Variants in SIGLEC1 observed in about 807,000 individuals in gnomAD.
SIGLEC1 encodes the protein sialoadhesin.
In SIGLEC1, 132 loss-of-function variants were observed where a neutral mutation model predicts 148.0. The ratio of observed to expected loss-of-function variants is 0.89; its 90% CI spans 0.77 to 1.03. SIGLEC1 has a LOEUF of 1.03. Ranked by LOEUF, SIGLEC1 falls within the 50% of genes least tolerant of loss-of-function variation. SIGLEC1 has a pLI of 0.00. For synonymous variants in SIGLEC1, 945 were observed against 969.0 expected (o/e 0.98, Z 0.46); for missense variants, 2,253 against 2,271.4 (o/e 0.99, Z 0.16).
chr20:3,708,658 G>A (rs558507077), intron 1 of SIGLEC1, among the ~76,000 whole-genome samples: 86 of 152,234 alleles, frequency 5.6e-4, no homozygotes, highest in African/African-American at 1.9e-3. Flanking sequence ...GAGGTGGGAA[G>A]ATCGCTTGAG....
chr20:3,706,229 C>A (rs1158279936), intron 3 of SIGLEC1, 118 bp downstream of exon 3: 8 of 1,438,330 alleles, frequency 5.6e-6, no homozygotes, highest in Non-Finnish European at 6.5e-6. Flanking sequence ...GGGGCTGGAA[C>A]AGAGGCTGAG....
intron 4 of SIGLEC1, 36 bp from the exon 5 acceptor site, chr20:3,704,127 T>A (rs199923821): frequency 1.3e-5 from 21 of 1,588,420 alleles, no homozygotes; most frequent in Non-Finnish European, 1.8e-5. Context: ...GGTAAGGTGC[T>A]TGGGGAGGGC....
rs1375657711 is a variant in SIGLEC1 at position 3,696,874 on chromosome 20, G to A, written c.2395C>T (p.Pro799Ser). The A allele has an allele frequency of 6.4e-7, 1 of 1,556,698 alleles. No homozygotes were observed. The highest frequency in any genetic ancestry group is 1.2e-5 in the South Asian group (1 of 81,720). Residue 799 changes from proline (P) to serine (S), a missense_variant, in exon 11 of 22, where the codon CCA becomes TCA. Physicochemically the swap from Pro to Ser is moderately conservative, Grantham distance 74. Transcript: ENST00000344754. ...LLSVLYPPDR[P>S]KLSALLDMGQ... ...ATGTCTAGGAGGGCTGACAGCTTTGGACGGTCCGGGGGATCTGCAGGAACA... is the reference window on the plus strand; with the variant it reads ...ATGTCTAGGAGGGCTGACAGCTTTGAACGGTCCGGGGGATCTGCAGGAACA...
intron 9 of SIGLEC1, 90 bp from the exon 10 acceptor site, chr20:3,697,432 G>A (rs1329243706): frequency 9.8e-6 from 15 of 1,533,560 alleles, no homozygotes; most frequent in Non-Finnish European, 1.2e-5. Context: ...CAGGAAGGAG[G>A]CCCCCTGGGG....
Position 3,693,840 on chromosome 20 carries a change from G to A in SIGLEC1, c.3257-142C>T. On this transcript the variant is annotated intron_variant, in intron 13 of 21. Coordinates refer to ENST00000344754, the MANE Select transcript of SIGLEC1 (RefSeq NM_023068.4). ...AGCCTTGGGTGGCCCACCTATAAAT[G>A]TGGCTTAGAAGTCAAGCTTGGGAAT... 5 of 863,050 alleles carry A rather than the reference G, an allele frequency of 5.8e-6. No homozygotes were observed. The South Asian group carries it at 8.9e-5, about 15-fold the overall frequency. 53.5% of individuals were successfully genotyped at this position (863,050 alleles called of 1,614,324 possible).
At chr20:3,689,434 T>C (rs2088732819) in intron 20 of SIGLEC1, 166 bp downstream of exon 20, 3 of 656,008 alleles carry the variant, frequency 4.6e-6, no homozygotes, top group East Asian at 5.4e-5. Context: ...GCAAGGAGGA[T>C]TTAGGGACAA....
chr20:3,700,107 T>C (rs911982854), intron 7 of SIGLEC1, among the ~76,000 whole-genome samples: 2 of 3,522 alleles, frequency 5.7e-4, no homozygotes, highest in Non-Finnish European at 1.4e-3. Flanking sequence ...TGTGGCCAGC[T>C]TTTTTTTTTT....
In SIGLEC1 at chr20:3,687,077, G is replaced by A. The variant is rs570543762; in HGVS notation, c.*1483C>T. On this transcript the variant is annotated 3_prime_UTR_variant, in exon 22 of 22. Transcript: ENST00000344754. ...ATGAGCCTGGAATGAGGGAGGGTGC[G>A]GCCTCGGCTACACAAAGTTCACCCG... The A allele has an allele frequency of 1.4e-5, 2 of 143,282 alleles. No individual in the cohort carries two copies. Among genetic ancestry groups the A allele is most frequent in the African/African-American group, 2.7e-5 (1 of 37,696 alleles). The allele number at this position is 143,282 out of a possible 1,614,324, so 8.9% of individuals were successfully genotyped here. A position where few individuals can be genotyped will look rare whatever the true frequency, so the allele number is the denominator to read the frequency against.
rs2146520028 is a variant in SIGLEC1, at chr20:3,692,777, G to A, written c.3779-5C>T. 6.2e-7 allele frequency: 1 copy of A among 1,606,696 alleles called. No homozygotes were observed. The highest frequency in any genetic ancestry group is 8.5e-7 in the Non-Finnish European group (1 of 1,176,846). ...GAGCCAGGATCACCCGCACACCTGTGCCAAGGAGGCCAGGATCAGCCGGGC... is the reference window on the plus strand; with the variant it reads ...GAGCCAGGATCACCCGCACACCTGTACCAAGGAGGCCAGGATCAGCCGGGC... On this transcript the variant is annotated splice_region_variant and splice_polypyrimidine_tract_variant and intron_variant, in intron 15 of 21. Transcript: ENST00000344754.
chr20:3,698,889 T>C (rs968860070), intron 8 of SIGLEC1, among the ~76,000 whole-genome samples: 4 of 152,024 alleles, frequency 2.6e-5, no homozygotes, highest in South Asian at 2.1e-4. Flanking sequence ...TGTGCACAAA[T>C]AGAGGAGTGT....
Position 3,691,172 on chromosome 20 carries a change from T to C in SIGLEC1, c.4591+168A>G, listed in dbSNP as rs114132542. On this transcript the variant is annotated intron_variant, in intron 18 of 21. Coordinates refer to ENST00000344754, the MANE Select transcript of SIGLEC1 (RefSeq NM_023068.4). ...CTTGCAGGATGAGGCGAATGATGTA[T>C]TCCCCATTTTACAAGGTCACCCAAC... 6.4e-3 allele frequency among the ~76,000 whole-genome samples: 974 copies of C among 152,302 alleles called. 9 individuals carry two copies. Among genetic ancestry groups the C allele is most frequent in the African/African-American group, 0.022 (931 of 41,564 alleles).
chr20:3,697,992 A>G lies in SIGLEC1; in HGVS notation c.1928T>C (p.Val643Ala), dbSNP rs777812565. The change falls in exon 9 of 22, where the codon GTG becomes GCG. Residue 643 changes from valine to alanine, a missense_variant. Physicochemically the swap from Val to Ala is moderately conservative, Grantham distance 64. Transcript: ENST00000344754. Reference protein sequence around the residue: ...RLQLLHKDRVVATSLPSGGGC... With the variant: ...RLQLLHKDRVAATSLPSGGGC... The stretch of plus-strand genomic sequence containing the variant: ...ACCCCCTGATGGCAGGGAAGTGGCC[A>G]CAACACGGTCCTTGTGGAGCAGCTG... 6.2e-7 allele frequency: 1 copy of G among 1,611,680 alleles called. No homozygotes were observed. The highest frequency in any genetic ancestry group is 8.5e-7 in the Non-Finnish European group (1 of 1,179,226).
At position 3,697,153 on chromosome 20, in the gene SIGLEC1, AG is replaced by A. The variant is rs1351516580; in HGVS notation, c.2311del (p.Leu771PhefsTer7). The A allele has an allele frequency of 6.2e-7, 1 of 1,613,656 alleles. No homozygotes were observed. The highest frequency in any genetic ancestry group is 1.3e-5 in the African/African-American group (1 of 74,922). ...LLPVARTDAA[L>X]YACRILTEAG... ...CTCAGTCAGGATGCGGCAGGCGTAA[AG>A]GGCAGCATCAGTTCTGGCCACGGGC... On this transcript the variant is annotated frameshift_variant, in exon 10 of 22. Coordinates refer to ENST00000344754, the MANE Select transcript of SIGLEC1 (RefSeq NM_023068.4). LOFTEE classifies it high-confidence loss of function.
Position 3,690,221 on chromosome 20 carries a change from C to G in SIGLEC1, c.4635G>C (p.Glu1545Asp). ...TPTMMVFVEP[E>D]GGLRGILDCR... is the part of the protein sequence containing the mutation. ...AATCCAGGATGCCCCGGAGGCCACCCTCAGGCTCCACGAAGACCATCATGG... is the reference window on the plus strand; with the variant it reads ...AATCCAGGATGCCCCGGAGGCCACCGTCAGGCTCCACGAAGACCATCATGG... The change falls in exon 19 of 22, where the codon GAG (glutamate) becomes GAC (aspartate). Residue 1545 changes from glutamate (E) to aspartate (D), a missense_variant. By Grantham distance (45) the Glu-to-Asp change is conservative. Transcript: ENST00000344754. The G allele has an allele frequency of 8.4e-6, 13 of 1,554,248 alleles. No homozygotes were observed. The highest frequency in any genetic ancestry group is 1.1e-5 in the Non-Finnish European group (13 of 1,149,326).
Position 3,690,162 on chromosome 20 carries a change from G to C in SIGLEC1, c.4694C>G (p.Thr1565Ser). 6.3e-7 allele frequency: 1 copy of C among 1,595,192 alleles called. No homozygotes were observed. Among genetic ancestry groups the C allele is most frequent in the Non-Finnish European group, 8.5e-7 (1 of 1,171,660 alleles). Reference sequence around the variant, plus strand: ...CACCAGTCGACTGCCAAGGTGGAGAGTCAGGCTGGCGAGCGGCTCGCTGTC... The same window carrying C: ...CACCAGTCGACTGCCAAGGTGGAGACTCAGGCTGGCGAGCGGCTCGCTGTC... The part of the protein sequence containing the change: ...RVDSEPLASL[T>S]LHLGSRLVAS... The change falls in exon 19 of 22, where the codon ACT (threonine) becomes AGT (serine). Residue 1565 changes from threonine to serine, a missense_variant. Transcript: ENST00000344754.
At chr20:3,711,609 A>AG (rs1363239622) in intron 1 of SIGLEC1, among the ~76,000 whole-genome samples, 1 of 152,222 alleles carries the variant, frequency 6.6e-6, no homozygotes, top group African/African-American at 2.4e-5. Context: ...ATAGGGAGTC[A>AG]GGGTACGGAT....
chr20:3,693,176 G>T, intron 14 of SIGLEC1, 45 bp from the exon 15 acceptor site: 1 of 1,502,824 alleles, frequency 6.7e-7, no homozygotes, highest in Non-Finnish European at 8.8e-7. Flanking sequence ...GCAGCAGCCT[G>T]CAGGAGGCCA....
chr20:3,690,253 T>C lies in SIGLEC1; in HGVS notation c.4603A>G (p.Thr1535Ala). 1 of 1,545,666 alleles carries C rather than the reference T, an allele frequency of 6.5e-7. No individual in the cohort carries two copies. The highest frequency in any genetic ancestry group is 8.7e-7 in the Non-Finnish European group (1 of 1,144,488). The change falls in exon 19 of 22, where the codon ACG becomes GCG. Residue 1535 changes from threonine to alanine, a missense_variant. Transcript: ENST00000344754. ...TCCACGAAGACCATCATGGTGGGCG[T>C]CTTGGGAGGGTCTGTGGGGAGGAAG... ...VMLRVLYPPKTPTMMVFVEPE... is the reference protein window; with the variant it reads ...VMLRVLYPPKAPTMMVFVEPE...
intron 5 of SIGLEC1, 76 bp downstream of exon 5, chr20:3,703,749 C>G: frequency 1.3e-6 from 2 of 1,578,340 alleles, no homozygotes; most frequent in Non-Finnish European, 1.7e-6. Context: ...CCTGCCCTGC[C>G]CTGTCTCCCC....
Sources: gnomAD v4.1 joint callset for allele counts (sites outside exome capture counted in the v4.1 genomes callset) on GRCh38, gnomAD v4.1.1 for gene constraint, MANE v1.5 for transcripts, NCBI Gene and HGNC (gene_info 2026-07-23, HGNC 2026-07-21) for gene names.